The following DGKB variants were observed in gnomAD, a reference collection of about 807,000 sequenced individuals.
The protein encoded by DGKB is diacylglycerol kinase beta.
In DGKB, 67 loss-of-function variants were observed where a neutral mutation model predicts 114.3. That is an observed-to-expected ratio of 0.59 (90% CI 0.48 to 0.72). The LOEUF is 0.72. DGKB is among the 30% of genes least tolerant of loss of function. The probability of loss-of-function intolerance (pLI) is 0.00; values close to 1 mark genes in which losing one functional copy is unlikely to be tolerated. For synonymous variants in DGKB, 398 were observed against 323.1 expected (o/e 1.23, Z -2.49); for missense variants, 907 against 975.2 (o/e 0.93, Z 0.93).
chr7:14,726,987 G>T (rs967447626), intron 5 of DGKB, among the ~76,000 whole-genome samples: 1 of 152,192 alleles, frequency 6.6e-6, no homozygotes, highest in African/African-American at 2.4e-5. Flanking sequence ...ATGACTAGGT[G>T]TTTTTATGAG....
intron 23 of DGKB, among the ~76,000 whole-genome samples, chr7:14,319,198 T>G: frequency 6.6e-6 from 1 of 150,804 alleles, no homozygotes; most frequent in South Asian, 2.1e-4. Flanking sequence ...GATGACGAGT[T>G]AGTGGGTGCA....
chr7:14,733,750 GAAGAAAGA>G (rs112075915), intron 5 of DGKB, among the ~76,000 whole-genome samples: 14 of 6,610 alleles, frequency 2.1e-3, no homozygotes, highest in East Asian at 6.2e-3. Context: ...AAGAAATAAA[GAAGAAAGA>G]AAGAAAGAAA....
intron 2 of DGKB, among the ~76,000 whole-genome samples, chr7:14,797,525 C>T (rs1261162490): frequency 1.3e-5 from 2 of 152,080 alleles, no homozygotes; most frequent in Non-Finnish European, 2.9e-5. Context: ...AAATATATAT[C>T]CAAATCTGCA....
At chr7:14,471,710 A>G (rs945133829) in intron 21 of DGKB, among the ~76,000 whole-genome samples, 2 of 152,092 alleles carry the variant, frequency 1.3e-5, no homozygotes, top group Non-Finnish European at 2.9e-5. Flanking sequence ...CTCACTCTAC[A>G]TATCACAGTT....
intron 2 of DGKB, among the ~76,000 whole-genome samples, chr7:14,825,038 ATATAT>A (rs1845500682): frequency 7.0e-6 from 1 of 142,970 alleles, no homozygotes; most frequent in South Asian, 2.2e-4. Context: ...ATATATATAT[ATATAT>A]ATATATATAT....
At chr7:14,366,470 T>C (rs1377036394) in intron 21 of DGKB, among the ~76,000 whole-genome samples, 4 of 152,174 alleles carry the variant, frequency 2.6e-5, no homozygotes, top group African/African-American at 7.2e-5. Flanking sequence ...CATTGCTGTA[T>C]CCTGAATGTG....
chr7:14,476,092 G>A (rs907450536), intron 21 of DGKB, among the ~76,000 whole-genome samples: 1 of 151,688 alleles, frequency 6.6e-6, no homozygotes, highest in African/African-American at 2.4e-5. Flanking sequence ...ACACACTTTC[G>A]TTTTTTGCTT....
At chr7:14,851,931 T>A (rs1361832651) in intron 1 of DGKB, among the ~76,000 whole-genome samples, 1 of 152,140 alleles carries the variant, frequency 6.6e-6, no homozygotes, top group Non-Finnish European at 1.5e-5. Flanking sequence ...AGCCCCATTC[T>A]CCAACCTTGA....
At chr7:14,440,789 A>T (rs1475949365) in intron 21 of DGKB, among the ~76,000 whole-genome samples, 1 of 152,136 alleles carries the variant, frequency 6.6e-6, no homozygotes, top group East Asian at 1.9e-4. Flanking sequence ...ATTTATGTCT[A>T]CTGACAAGTT....
At chr7:14,358,313 A>C (rs1443969014) in intron 21 of DGKB, among the ~76,000 whole-genome samples, 2 of 151,834 alleles carry the variant, frequency 1.3e-5, no homozygotes, top group Non-Finnish European at 2.9e-5. Flanking sequence ...TTTTTGTCTA[A>C]ACTTCCTGCT....
chr7:14,526,142 C>T (rs1476159861), intron 20 of DGKB, among the ~76,000 whole-genome samples: 1 of 152,026 alleles, frequency 6.6e-6, no homozygotes, highest in African/African-American at 2.4e-5. Context: ...TACTGGAATT[C>T]CATGTGATTA....
chr7:14,521,138 T>C (rs1455176073), intron 20 of DGKB, among the ~76,000 whole-genome samples: 2 of 152,166 alleles, frequency 1.3e-5, no homozygotes, highest in Non-Finnish European at 2.9e-5. Context: ...ACTCTGTGTG[T>C]TGTATGTAAT....
At position 14,962,947 on chromosome 7, in the gene DGKB, A is replaced by G. The variant is rs1469724800; in HGVS notation, c.-188+11749T>C. On this transcript the variant is annotated intron_variant, in intron 1 of 4. Coordinates refer to the DGKB transcript ENST00000437998. Reference sequence around the variant, plus strand: ...TACAGATCTCAAAGCAACCAGAGCCAAAAATTTATAAGCCACTTGCTCAGT... The same window carrying G: ...TACAGATCTCAAAGCAACCAGAGCCGAAAATTTATAAGCCACTTGCTCAGT... Among the ~76,000 whole-genome samples, 3 of 152,220 alleles carry G rather than the reference A, an allele frequency of 2.0e-5. No individual in the cohort carries two copies. The East Asian group carries it at 5.8e-4, about 29-fold the overall frequency.
chr7:14,178,253 C>A, intron 23 of DGKB, 102 bp from the exon 24 acceptor site: 1 of 1,245,290 alleles, frequency 8.0e-7, no homozygotes. Flanking sequence ...ACAGCCACTT[C>A]ACAAAGAAAG....
intron 21 of DGKB, among the ~76,000 whole-genome samples, chr7:14,440,992 A>G (rs1316884410): frequency 6.6e-6 from 1 of 151,936 alleles, no homozygotes; most frequent in Non-Finnish European, 1.5e-5. Flanking sequence ...CCTTCTGTTT[A>G]TTGAGCATTC....
At chr7:14,216,725 C>CAAA (rs755191130) in intron 23 of DGKB, among the ~76,000 whole-genome samples, 866 of 50,200 alleles carry the variant, frequency 0.017, 37 homozygotes, top group African/African-American at 0.057. Context: ...GACTCCGTCT[C>CAAA]AAAAAAAAAA....
chr7:14,572,597 C>CA (rs1798564972), intron 20 of DGKB, among the ~76,000 whole-genome samples: 1 of 151,686 alleles, frequency 6.6e-6, no homozygotes, highest in African/African-American at 2.4e-5. Flanking sequence ...CCAAAACAAA[C>CA]AAAAAATCCT....
At chr7:14,623,316 G>A (rs1807981779) in intron 14 of DGKB, among the ~76,000 whole-genome samples, 1 of 152,036 alleles carries the variant, frequency 6.6e-6, no homozygotes, top group African/African-American at 2.4e-5. Flanking sequence ...ATATTTGCTT[G>A]TTAGAGTACC....
intron 1 of DGKB, among the ~76,000 whole-genome samples, chr7:14,913,534 C>G (rs1335393020): frequency 1.3e-5 from 2 of 150,332 alleles, no homozygotes; most frequent in African/African-American, 4.9e-5. Flanking sequence ...ATTTCTCTGA[C>G]ATTAAGGACC....
Sources: allele counts gnomAD v4.1 joint callset (sites outside exome capture counted in the v4.1 genomes callset), GRCh38; gene constraint gnomAD v4.1.1; transcripts MANE v1.5; gene names NCBI Gene and HGNC (gene_info 2026-07-23, HGNC 2026-07-21).